The following AKAP9 variants were observed in gnomAD, a reference collection of about 807,000 sequenced individuals.
The protein encoded by AKAP9 is A-kinase anchoring protein 9.
AKAP9 carries 311 observed loss-of-function variants against 488.5 expected under a neutral mutation model. The ratio of observed to expected loss-of-function variants is 0.64; its 90% CI spans 0.58 to 0.70. The LOEUF (loss-of-function observed/expected upper bound fraction) is 0.70, where lower values mean the gene tolerates loss of function less well. AKAP9 is among the 30% of genes least tolerant of loss of function. The pLI is 0.00. For synonymous variants in AKAP9, 1,462 were observed against 1,483.5 expected, an observed-to-expected ratio of 0.99 and a Z score of 0.33; for missense variants, 4,215 against 4,374.5, an observed-to-expected ratio of 0.96 and a Z score of 1.03.
rs934910997 is a variant in AKAP9, at chr7:92,092,073, A to G, written c.9359-1024A>G. 18 of 152,278 alleles carry G rather than the reference A, an allele frequency of 1.2e-4. 1 individual carries two copies. The highest frequency in any genetic ancestry group is 3.8e-4 in the African/African-American group (16 of 41,562). The allele number at this position is 152,278 out of a possible 1,614,324, so 9.4% of individuals were successfully genotyped here. A position where few individuals can be genotyped will look rare whatever the true frequency, so the allele number is the denominator to read the frequency against. On this transcript the variant is annotated intron_variant, in intron 38 of 49. Coordinates refer to ENST00000356239, the MANE Select transcript of AKAP9 (RefSeq NM_005751.5). ...TCACCTAAATCCTAAAATAATGACT[A>G]CCTAACACCTGGGTAAATATGTCTC...
intron 1 of AKAP9, among the ~76,000 whole-genome samples, chr7:91,971,560 CTTTTTTTTT>C (rs71107844): frequency 2.9e-5 from 2 of 68,558 alleles, no homozygotes; most frequent in South Asian, 6.3e-4. Context: ...ACATCTATTT[CTTTTTTTTT>C]TTTTTTTTTT....
chr7:91,952,167 A>G (rs955490455), intron 1 of AKAP9, among the ~76,000 whole-genome samples: 1 of 152,200 alleles, frequency 6.6e-6, no homozygotes, highest in African/African-American at 2.4e-5. Flanking sequence ...GTGGGAATTC[A>G]GAGATAGTCA....
chr7:91,979,848 G>A (rs1012242207), intron 2 of AKAP9, among the ~76,000 whole-genome samples: 13 of 152,140 alleles, frequency 8.5e-5, no homozygotes, highest in African/African-American at 3.1e-4. Context: ...TTAGAACAGT[G>A]CACAATTTAA....
chr7:92,070,154 G>C lies in AKAP9; in HGVS notation c.6455G>C (p.Arg2152Thr). 1 of 1,614,100 alleles carries C rather than the reference G, an allele frequency of 6.2e-7. No homozygotes were observed. Among genetic ancestry groups the C allele is most frequent in the Non-Finnish European group, 8.5e-7 (1 of 1,180,002 alleles). The change falls in exon 27 of 50, where the codon AGA (arginine) becomes ACA (threonine). Residue 2152 changes from arginine (R) to threonine (T), a missense_variant. This residue lies in a region of AKAP9 where 2,361 missense variants were observed against 2,430.0 expected (regional missense o/e 0.97). Coordinates refer to ENST00000356239, the MANE Select transcript of AKAP9 (RefSeq NM_005751.5). ...GAAGAAATAGAGAAACTGGAGTTCA[G>C]AGTAAGAGAACTGGAGCAGGCGCTT... is the stretch of plus-strand genomic sequence containing the variant. ...RNEEIEKLEFRVRELEQALLV... is the reference protein window; with the variant it reads ...RNEEIEKLEFTVRELEQALLV...
chr7:92,110,328 A>G lies in AKAP9; in HGVS notation c.*169A>G, dbSNP rs1433302610. 3.2e-6 allele frequency: 2 copies of G among 619,304 alleles called. No individual in the cohort carries two copies. Among genetic ancestry groups the G allele is most frequent in the Non-Finnish European group, 5.7e-6 (2 of 348,034 alleles). The allele number at this position is 619,304 out of a possible 1,614,324, so 38.4% of individuals were successfully genotyped here. A position where few individuals can be genotyped will look rare whatever the true frequency, so the allele number is the denominator to read the frequency against. On this transcript the variant is annotated 3_prime_UTR_variant, in exon 50 of 50. Transcript: ENST00000356239. ...CATGAAAACAAACTGGAATTTGTATATATAAGCATTGTGTATGTATTCATG... is the reference window on the plus strand; with the variant it reads ...CATGAAAACAAACTGGAATTTGTATGTATAAGCATTGTGTATGTATTCATG...
intron 20 of AKAP9, among the ~76,000 whole-genome samples, chr7:92,043,903 A>T (rs1806540425): frequency 6.6e-6 from 1 of 152,204 alleles, no homozygotes; most frequent in Admixed American, 6.5e-5. Context: ...CTTTACCATG[A>T]AAATCTTTTA....
At chr7:92,080,188 C>T (rs1324341172) in intron 31 of AKAP9, 36 bp downstream of exon 31, 23 of 1,439,212 alleles carry the variant, frequency 1.6e-5, no homozygotes, top group Non-Finnish European at 2.0e-5. Flanking sequence ...ATTTAAATAC[C>T]CCAAGAAACT....
chr7:92,062,462 G>A lies in AKAP9; in HGVS notation c.5953G>A (p.Ala1985Thr). The A allele has an allele frequency of 6.2e-7, 1 of 1,613,472 alleles. No homozygotes were observed. Among genetic ancestry groups the A allele is most frequent in the Non-Finnish European group, 8.5e-7 (1 of 1,179,648 alleles). The part of the protein sequence containing the change: ...LLSRQKEAMK[A>T]EAGPVEQQLL... ...GTCCAGACAAAAGGAAGCTATGAAA[G>A]CAGAGGCAGGCCCAGTTGAACAACG... The change falls in exon 24 of 50, where the codon GCA (alanine) becomes ACA (threonine). Residue 1985 changes from alanine (A) to threonine (T), a missense_variant. Around this residue, in one of 5 missense-constraint regions of AKAP9, gnomAD observed 2,361 missense variants for 2,430.0 expected, o/e 0.97. Transcript: ENST00000356239.
chr7:91,970,799 A>C (rs1349996540), intron 1 of AKAP9, among the ~76,000 whole-genome samples: 1 of 152,070 alleles, frequency 6.6e-6, no homozygotes, highest in African/African-American at 2.4e-5. Flanking sequence ...TTGACCATTG[A>C]GAGTTTGATT....
chr7:92,041,682 T>C lies in AKAP9; in HGVS notation c.4918-364T>C, dbSNP rs553170784. The C allele has an allele frequency of 7.4e-5, 16 of 215,824 alleles. No homozygotes were observed. The East Asian group carries it at 1.0e-3, about 14-fold the overall frequency. The allele number at this position is 215,824 out of a possible 1,614,324, so 13.4% of individuals were successfully genotyped here. ...AATATCTAGAGATAACTATTAACAGTATTCTTTCAAACATAAAATAATAAG... is the reference window on the plus strand; with the variant it reads ...AATATCTAGAGATAACTATTAACAGCATTCTTTCAAACATAAAATAATAAG... On this transcript the variant is annotated intron_variant, in intron 18 of 49. Transcript: ENST00000356239.
At chr7:91,954,891 G>A (rs1225609157) in intron 1 of AKAP9, among the ~76,000 whole-genome samples, 1 of 152,116 alleles carries the variant, frequency 6.6e-6, no homozygotes, top group African/African-American at 2.4e-5. Flanking sequence ...AAAGGAATAG[G>A]GATGATTCAA....
chr7:92,031,706 A>T (rs1356674839), intron 16 of AKAP9, 102 bp downstream of exon 16: 3 of 904,504 alleles, frequency 3.3e-6, no homozygotes, highest in Non-Finnish European at 5.3e-6. Flanking sequence ...TATAAGTTTC[A>T]TATATAGTTC....
Position 92,079,784 on chromosome 7 carries a change from G to T in AKAP9, c.7651G>T (p.Val2551Leu), listed in dbSNP as rs1356938437. The T allele has an allele frequency of 1.2e-6, 2 of 1,614,064 alleles. No individual in the cohort carries two copies. Among genetic ancestry groups the T allele is most frequent in the Non-Finnish European group, 1.7e-6 (2 of 1,180,006 alleles). Residue 2551 changes from valine (V) to leucine (L), a missense_variant, in exon 31 of 50, where the codon GTG (valine) becomes TTG (leucine). Transcript: ENST00000356239. ...CCTACAGAAAATAGTTGAAGAAAAAGTGGCTGCTGCTCTTGTCAGTCAAAT... is the reference window on the plus strand; with the variant it reads ...CCTACAGAAAATAGTTGAAGAAAAATTGGCTGCTGCTCTTGTCAGTCAAAT... The part of the protein sequence containing the change: ...VNLQKIVEEK[V>L]AAALVSQIQL...
At position 91,971,629 on chromosome 7, in the gene AKAP9, G is replaced by A. The variant is rs190100456; in HGVS notation, c.49-2082G>A. Among the ~76,000 whole-genome samples the A allele has an allele frequency of 4.8e-4, 68 of 142,828 alleles. No individual in the cohort carries two copies. The East Asian group carries it at 0.011, about 23-fold the overall frequency. 93.7% of individuals were successfully genotyped at this position (142,828 alleles called of 152,430 possible). A position where few individuals can be genotyped will look rare whatever the true frequency, so the allele number is the denominator to read the frequency against. The stretch of plus-strand genomic sequence containing the variant: ...GTTGCCCAGGCTGGAGTGCAGTGGC[G>A]CGATTTCAGCTCACTGCAAGCTCTG... On this transcript the variant is annotated intron_variant, in intron 1 of 49. Coordinates refer to ENST00000356239, the MANE Select transcript of AKAP9 (RefSeq NM_005751.5).
chr7:92,059,381 C>T lies in AKAP9; in HGVS notation c.5602-1879C>T, dbSNP rs1359050660. Among the ~76,000 whole-genome samples, 3 of 151,326 alleles carry T rather than the reference C, an allele frequency of 2.0e-5. No homozygotes were observed. The South Asian group carries it at 6.3e-4, about 32-fold the overall frequency. On this transcript the variant is annotated intron_variant, in intron 22 of 49. Transcript: ENST00000356239. ...TCATCTCCCGATGAAGTGTGGATCT[C>T]ATCTGCTATAATAAATGACATTTTT... is the stretch of plus-strand genomic sequence containing the variant.
At chr7:91,977,765 A>C (rs1313846907) in intron 2 of AKAP9, among the ~76,000 whole-genome samples, 1 of 152,152 alleles carries the variant, frequency 6.6e-6, no homozygotes, top group Non-Finnish European at 1.5e-5. Flanking sequence ...GATTTGGCTC[A>C]AAGGTATATT....
At chr7:92,073,075 C>T (rs945758997) in intron 28 of AKAP9, among the ~76,000 whole-genome samples, 2 of 152,114 alleles carry the variant, frequency 1.3e-5, no homozygotes, top group African/African-American at 4.8e-5. Context: ...TGCCATTCAA[C>T]ATTTAGTGAG....
At chr7:92,070,230 C>T in intron 27 of AKAP9, 24 bp downstream of exon 27, 2 of 1,612,308 alleles carry the variant, frequency 1.2e-6, no homozygotes, top group East Asian at 2.2e-5. Flanking sequence ...TTTGGGCTAA[C>T]TTAATAAGTG....
At chr7:91,956,756 T>G (rs1793074585) in intron 1 of AKAP9, among the ~76,000 whole-genome samples, 1 of 152,204 alleles carries the variant, frequency 6.6e-6, no homozygotes, top group Non-Finnish European at 1.5e-5. Flanking sequence ...AGTCAAAGTG[T>G]GTTATAAATT....
Sources: allele counts gnomAD v4.1 joint callset (sites outside exome capture counted in the v4.1 genomes callset), GRCh38; gene constraint gnomAD v4.1.1; regional missense constraint gnomAD v4.1.1; transcripts MANE v1.5; gene names NCBI Gene and HGNC (gene_info 2026-07-23, HGNC 2026-07-21).